Variants in LARGE1 observed in about 807,000 individuals in gnomAD.
LARGE1 encodes the protein xylosyl- and glucuronyltransferase LARGE1.
LARGE1 carries 43 observed loss-of-function variants against 87.6 expected under a neutral mutation model. The observed-to-expected ratio is 0.49, with a 90% confidence interval of 0.38 to 0.63. The LOEUF (loss-of-function observed/expected upper bound fraction) is 0.63. LARGE1 is among the 30% of genes least tolerant of loss of function. The pLI is 0.00. For missense variants in LARGE1, 802 were observed against 1,000.2 expected (o/e 0.80, Z 2.67); for synonymous variants, 434 against 394.6 (o/e 1.10, Z -1.18).
intron 2 of LARGE1, among the ~76,000 whole-genome samples, chr22:33,667,830 A>G (rs572939273): frequency 6.6e-6 from 1 of 152,258 alleles, no homozygotes; most frequent in Non-Finnish European, 1.5e-5. Flanking sequence ...GGCCTTTTCT[A>G]TAAGGACATG....
intron 7 of LARGE1, among the ~76,000 whole-genome samples, chr22:33,387,443 A>AAG (rs1555908618): frequency 6.7e-5 from 10 of 150,040 alleles, no homozygotes; most frequent in African/African-American, 2.0e-4. Flanking sequence ...AAAAAAAAAA[A>AAG]AAAGAAAGAA....
chr22:33,201,947 C>T (rs947091777), intron 11 of LARGE1, among the ~76,000 whole-genome samples: 1 of 152,022 alleles, frequency 6.6e-6, no homozygotes, highest in Non-Finnish European at 1.5e-5. Context: ...ACCATCCTGG[C>T]TAACACGGTG....
At chr22:33,169,812 A>G (rs925926949) in intron 11 of LARGE1, among the ~76,000 whole-genome samples, 20 of 151,480 alleles carry the variant, frequency 1.3e-4, no homozygotes, top group Admixed American at 8.5e-4. Flanking sequence ...GATCTTGCCA[A>G]TGCACTCCAG....
chr22:33,703,368 A>T (rs1364316087), intron 2 of LARGE1, among the ~76,000 whole-genome samples: 7 of 151,498 alleles, frequency 4.6e-5, no homozygotes, highest in Non-Finnish European at 8.8e-5. Context: ...AAAAAAAAAA[A>T]AAATAAAATA....
chr22:33,825,633 C>T (rs184797796), intron 1 of LARGE1, among the ~76,000 whole-genome samples: 1 of 152,192 alleles, frequency 6.6e-6, no homozygotes, highest in Non-Finnish European at 1.5e-5. Context: ...CAACAGCATA[C>T]GGGTAACTGC....
chr22:33,100,748 A>C, the LARGE1 span, among the ~76,000 whole-genome samples: 1 of 152,036 alleles, frequency 6.6e-6, no homozygotes, highest in African/African-American at 2.4e-5. Flanking sequence ...GTTCACTACC[A>C]CCATTTAGTA....
At chr22:33,420,555 T>A (rs1166176049) in intron 7 of LARGE1, among the ~76,000 whole-genome samples, 1 of 151,992 alleles carries the variant, frequency 6.6e-6, no homozygotes, top group Non-Finnish European at 1.5e-5. Flanking sequence ...GAAGCCAGAG[T>A]GGCTGGAGTG....
At chr22:33,556,212 G>C (rs997070325) in intron 6 of LARGE1, among the ~76,000 whole-genome samples, 1 of 152,020 alleles carries the variant, frequency 6.6e-6, no homozygotes, top group African/African-American at 2.4e-5. Flanking sequence ...GATGTATCTA[G>C]AATCTAGCGG....
chr22:33,797,586 AG>A (rs1024046471), intron 1 of LARGE1, among the ~76,000 whole-genome samples: 14 of 152,184 alleles, frequency 9.2e-5, no homozygotes. Flanking sequence ...GACAGAGCCT[AG>A]GAAACCGCAG....
At chr22:33,429,845 C>T (rs942779665) in intron 7 of LARGE1, among the ~76,000 whole-genome samples, 23 of 152,126 alleles carry the variant, frequency 1.5e-4, no homozygotes, top group Admixed American at 5.9e-4. Flanking sequence ...CACGTGGAAC[C>T]CCCGTCCCTG....
chr22:33,134,900 A>G, the LARGE1 span, among the ~76,000 whole-genome samples: 12 of 152,210 alleles, frequency 7.9e-5, no homozygotes, highest in African/African-American at 2.9e-4. Context: ...AGTCAGATTC[A>G]TAGGTGGAGG....
At chr22:33,587,987 C>G (rs865776771) in intron 5 of LARGE1, among the ~76,000 whole-genome samples, 2 of 152,184 alleles carry the variant, frequency 1.3e-5, no homozygotes, top group African/African-American at 4.8e-5. Context: ...GAGCAAGAGA[C>G]CATGGATACC....
intron 11 of LARGE1, among the ~76,000 whole-genome samples, chr22:33,243,376 C>T (rs1926611396): frequency 1.3e-5 from 2 of 152,166 alleles, no homozygotes; most frequent in Non-Finnish European, 2.9e-5. Context: ...AGTTCCTTTG[C>T]TTCTCTTTTT....
intron 11 of LARGE1, among the ~76,000 whole-genome samples, chr22:33,310,064 CG>C (rs1308646061): frequency 1.3e-5 from 2 of 152,158 alleles, no homozygotes; most frequent in African/African-American, 4.8e-5. Context: ...AGATCACCTG[CG>C]GGGCTTCTTA....
intron 3 of LARGE1, among the ~76,000 whole-genome samples, chr22:33,649,411 A>G (rs1043218949): frequency 1.2e-4 from 18 of 152,372 alleles, no homozygotes; most frequent in African/African-American, 4.1e-4. Context: ...GAATAAAGAA[A>G]CAGCAGGTCC....
In LARGE1 at chr22:33,383,715, T is replaced by C. The variant is rs925396297; in HGVS notation, c.1005+477A>G. ...TGAGTAAAGGGACACTAGGACAGCATCTAAGCAAAAGGCTCAGATTAAAGG... is the reference window on the plus strand; with the variant it reads ...TGAGTAAAGGGACACTAGGACAGCACCTAAGCAAAAGGCTCAGATTAAAGG... On this transcript the variant is annotated intron_variant, in intron 8 of 14. Coordinates refer to ENST00000397394, the MANE Select transcript of LARGE1 (RefSeq NM_133642.5). 2.0e-5 allele frequency among the ~76,000 whole-genome samples: 3 copies of C among 152,304 alleles called. No individual in the cohort carries two copies. The South Asian group carries it at 6.2e-4, about 32-fold the overall frequency.
chr22:33,751,179 C>G (rs2084301525), intron 2 of LARGE1, among the ~76,000 whole-genome samples: 1 of 152,138 alleles, frequency 6.6e-6, no homozygotes, highest in Non-Finnish European at 1.5e-5. Context: ...AGTCATCACA[C>G]AGGTTAAAAT....
intron 1 of LARGE1, among the ~76,000 whole-genome samples, chr22:33,870,504 C>T (rs1177415698): frequency 6.6e-6 from 1 of 152,158 alleles, no homozygotes; most frequent in Admixed American, 6.5e-5. Context: ...TACAGACAAA[C>T]TCATTTTATT....
At chr22:33,269,219 AG>A (rs1450496726), downstream of LARGE1, among the ~76,000 whole-genome samples, 2 of 152,242 alleles carry the variant, frequency 1.3e-5, no homozygotes, top group African/African-American at 4.8e-5. Flanking sequence ...TCTAAATGTA[AG>A]GGATAAAGTT....
Sources: allele counts gnomAD v4.1 joint callset (sites outside exome capture counted in the v4.1 genomes callset), GRCh38; gene constraint gnomAD v4.1.1; transcripts MANE v1.5; gene names NCBI Gene and HGNC (gene_info 2026-07-23, HGNC 2026-07-21).